The following MYO3B variants were observed in gnomAD, a reference collection of about 807,000 sequenced individuals.
The protein encoded by MYO3B is myosin IIIB, also known as myosin-IIIb.
In MYO3B, 156 loss-of-function variants were observed where a neutral mutation model predicts 174.6. The ratio of observed to expected loss-of-function variants is 0.89; its 90% CI spans 0.78 to 1.02. The LOEUF is 1.02. Ranked by LOEUF, MYO3B falls within the 50% of genes least tolerant of loss-of-function variation. MYO3B has a pLI of 0.00. For synonymous variants in MYO3B, 563 were observed against 569.1 expected (o/e 0.99, Z 0.15); for missense variants, 1,632 against 1,639.4 (o/e 1.00, Z 0.08).
chr2:170,416,482 C>T (rs1269894456), intron 22 of MYO3B, among the ~76,000 whole-genome samples: 9 of 146,722 alleles, frequency 6.1e-5, no homozygotes, highest in Non-Finnish European at 1.2e-4. Flanking sequence ...AAGATTGTGC[C>T]GTTGCACTCC....
At chr2:170,303,175 G>GT (rs1269406648) in intron 7 of MYO3B, among the ~76,000 whole-genome samples, 1 of 151,954 alleles carries the variant, frequency 6.6e-6, no homozygotes, top group Non-Finnish European at 1.5e-5. Flanking sequence ...ATGGAAAACT[G>GT]TTTTTTTAAG....
rs150637550 is a variant in MYO3B, at chr2:170,307,965, T to C, written c.750-27420T>C. On this transcript the variant is annotated intron_variant, in intron 7 of 34. Transcript: ENST00000408978. ...CGATCCCTGCCTCCTACTTCAGAAA[T>C]AGGAAGGCAAGACCCTTTGTGCAAC... 3.2e-3 allele frequency among the ~76,000 whole-genome samples: 488 copies of C among 152,218 alleles called. 8 individuals carry two copies. The East Asian group carries it at 0.037, about 12-fold the overall frequency.
intron 32 of MYO3B, among the ~76,000 whole-genome samples, chr2:170,564,830 A>G (rs1382213529): frequency 3.3e-5 from 5 of 152,156 alleles, no homozygotes; most frequent in East Asian, 3.9e-4. Context: ...TAATGTGTGG[A>G]AGACTTTTTT....
At chr2:170,226,675 G>T (rs1187788931) in intron 6 of MYO3B, among the ~76,000 whole-genome samples, 3 of 152,106 alleles carry the variant, frequency 2.0e-5, no homozygotes, top group Admixed American at 6.5e-5. Context: ...TTCCTGGTGG[G>T]TCTAAATATA....
chr2:170,193,304 T>G (rs1290384346), intron 1 of MYO3B, among the ~76,000 whole-genome samples: 2 of 152,072 alleles, frequency 1.3e-5, no homozygotes, highest in Non-Finnish European at 2.9e-5. Flanking sequence ...AATAACCCTT[T>G]ATGTTCTTTG....
chr2:170,251,235 CT>C (rs1372817437), intron 7 of MYO3B, among the ~76,000 whole-genome samples: 2 of 151,738 alleles, frequency 1.3e-5, no homozygotes, highest in Non-Finnish European at 2.9e-5. Context: ...AGGTAGGGTT[CT>C]TTTTTTTCTT....
intron 32 of MYO3B, among the ~76,000 whole-genome samples, chr2:170,588,457 C>T (rs1483535904): frequency 2.0e-5 from 3 of 152,076 alleles, no homozygotes; most frequent in Non-Finnish European, 2.9e-5. Context: ...GGAGAGGGCA[C>T]ACAGTGCCAG....
chr2:170,328,190 C>T (rs1425580606), intron 7 of MYO3B, among the ~76,000 whole-genome samples: 1 of 152,108 alleles, frequency 6.6e-6, no homozygotes, highest in East Asian at 1.9e-4. Context: ...GCATGAACCA[C>T]CACACTGGCC....
At chr2:170,411,992 T>A (rs1329158006) in intron 22 of MYO3B, 1 of 152,268 alleles carries the variant, frequency 6.6e-6, no homozygotes, top group Non-Finnish European at 1.5e-5. Flanking sequence ...TCAGACATGA[T>A]GAAATGTTCT....
At chr2:170,629,760 G>GAATC (rs1263047722) in intron 32 of MYO3B, among the ~76,000 whole-genome samples, 43 of 152,172 alleles carry the variant, frequency 2.8e-4, no homozygotes, top group African/African-American at 9.7e-4. Flanking sequence ...TGAGACAGGA[G>GAATC]AATCACTTGA....
At position 170,470,976 on chromosome 2, in the gene MYO3B, C is replaced by T. The variant is rs186454247; in HGVS notation, c.3014+4265C>T. ...CACATAGATAATTTGCAAATATTTT[C>T]TCTCTCTCTCTCTCTTTTTTTTTTA... On this transcript the variant is annotated intron_variant, in intron 25 of 34. Transcript: ENST00000408978. 1.2e-3 allele frequency among the ~76,000 whole-genome samples: 185 copies of T among 149,530 alleles called. 1 individual carries two copies. The highest frequency in any genetic ancestry group is 4.4e-3 in the African/African-American group (178 of 40,666).
rs78315436 is a variant in MYO3B, at chr2:170,337,194, G to A, written c.815+1744G>A. 9.7e-4 allele frequency among the ~76,000 whole-genome samples: 148 copies of A among 152,130 alleles called. 2 individuals carry two copies. Among genetic ancestry groups the A allele is most frequent in the African/African-American group, 3.2e-3 (132 of 41,516 alleles). ...TTTGGGACCCAAAAGAGTAGGTGGA[G>A]GGAACTAAAGGGCTGAAGACATGCT... On this transcript the variant is annotated intron_variant, in intron 8 of 34. Coordinates refer to ENST00000408978, the MANE Select transcript of MYO3B (RefSeq NM_138995.5).
chr2:170,363,877 T>G (rs2094179488), intron 8 of MYO3B, among the ~76,000 whole-genome samples: 1 of 152,206 alleles, frequency 6.6e-6, no homozygotes, highest in African/African-American at 2.4e-5. Flanking sequence ...AAAGCATATC[T>G]AAATCCTAAT....
intron 32 of MYO3B, chr2:170,646,831 T>C (rs1698422254): frequency 1.2e-6 from 1 of 818,198 alleles, no homozygotes; most frequent in Non-Finnish European, 1.9e-6. Flanking sequence ...AATTGTTAAA[T>C]TGAAGCTGTT....
intron 32 of MYO3B, among the ~76,000 whole-genome samples, chr2:170,627,647 T>C (rs1490019650): frequency 2.6e-5 from 4 of 152,182 alleles, no homozygotes; most frequent in African/African-American, 9.7e-5. Flanking sequence ...GAATTTTCTG[T>C]TTTTCTGTTC....
chr2:170,459,544 C>T (rs959596163), intron 23 of MYO3B, among the ~76,000 whole-genome samples: 4 of 152,220 alleles, frequency 2.6e-5, no homozygotes, highest in Admixed American at 1.3e-4. Flanking sequence ...TCCAAGTCCC[C>T]ACCCCCACCC....
rs923482780 is a variant in MYO3B, at chr2:170,640,796, C to T, written c.3734-10832C>T. ...TGTGATGATACCATTTCACTTTCAC[C>T]GTATTTACTATATAGTTCACTTCTA... On this transcript the variant is annotated intron_variant, in intron 32 of 34. Coordinates refer to ENST00000408978, the MANE Select transcript of MYO3B (RefSeq NM_138995.5). 4 of 151,834 alleles carry T rather than the reference C, an allele frequency of 2.6e-5. No individual in the cohort carries two copies. In the East Asian group the frequency reaches 5.8e-4, roughly 22 times the overall value. The allele number at this position is 151,834 out of a possible 1,614,324, so 9.4% of individuals were successfully genotyped here.
chr2:170,368,982 GT>G (rs1311301770), intron 8 of MYO3B, among the ~76,000 whole-genome samples: 1 of 152,144 alleles, frequency 6.6e-6, no homozygotes, highest in Non-Finnish European at 1.5e-5. Context: ...TACAAATTGT[GT>G]TTTCAACTTT....
intron 23 of MYO3B, among the ~76,000 whole-genome samples, chr2:170,445,701 C>T (rs1287992055): frequency 1.3e-5 from 2 of 152,062 alleles, no homozygotes; most frequent in East Asian, 3.9e-4. Context: ...GTGGCATGAT[C>T]ATATCTCACT....
Sources: allele counts gnomAD v4.1 joint callset (sites outside exome capture counted in the v4.1 genomes callset), GRCh38; gene constraint gnomAD v4.1.1; transcripts MANE v1.5; gene names NCBI Gene and HGNC (gene_info 2026-07-23, HGNC 2026-07-21).